Variants in NRG1 observed in about 807,000 individuals in gnomAD.
The protein encoded by NRG1 is neuregulin 1.
Under a neutral mutation model 63.8 loss-of-function variants are expected in NRG1, and 18 were observed. That is an observed-to-expected ratio of 0.28 (90% CI 0.19 to 0.42). The LOEUF (loss-of-function observed/expected upper bound fraction) is 0.42, where lower values mean the gene tolerates loss of function less well. Among genes scored for constraint, NRG1 ranks in the 10% least tolerant of loss-of-function variants. The pLI is 1.00. For synonymous variants in NRG1, 302 were observed against 301.3 expected (o/e 1.00, Z -0.02); for missense variants, 762 against 814.7 (o/e 0.94, Z 0.79).
intron 1 of NRG1, among the ~76,000 whole-genome samples, chr8:32,095,293 G>C (rs950917687): frequency 6.6e-6 from 1 of 152,204 alleles, no homozygotes; most frequent in African/African-American, 2.4e-5. Context: ...AGGTGGGATT[G>C]AGAGTGAAGA....
At chr8:31,853,636 T>A (rs1227530722) in intron 1 of NRG1, among the ~76,000 whole-genome samples, 1 of 151,478 alleles carries the variant, frequency 6.6e-6, no homozygotes, top group Non-Finnish European at 1.5e-5. Flanking sequence ...TGGCCAGAAC[T>A]TCCAACACTA....
At chr8:31,858,619 G>A (rs1483119240) in intron 1 of NRG1, among the ~76,000 whole-genome samples, 1 of 152,154 alleles carries the variant, frequency 6.6e-6, no homozygotes, top group Non-Finnish European at 1.5e-5. Flanking sequence ...CCAAAAAAAT[G>A]TTCATGGTCA....
chr8:32,501,419 G>T (rs1354276511), intron 1 of NRG1, among the ~76,000 whole-genome samples: 1 of 152,130 alleles, frequency 6.6e-6, no homozygotes, highest in Non-Finnish European at 1.5e-5. Context: ...ATGCAATTTA[G>T]CATATTAAAT....
intron 1 of NRG1, among the ~76,000 whole-genome samples, chr8:32,528,164 T>A (rs755307306): frequency 4.6e-5 from 7 of 152,246 alleles, no homozygotes; most frequent in Non-Finnish European, 1.0e-4. Flanking sequence ...TCACTCTGTG[T>A]AAAATAGCCA....
At chr8:32,031,676 T>C (rs941410037) in intron 1 of NRG1, among the ~76,000 whole-genome samples, 2 of 152,208 alleles carry the variant, frequency 1.3e-5, no homozygotes, top group African/African-American at 2.4e-5. Context: ...GTGTTCTTAT[T>C]GTTCAGCTCC....
In NRG1 at chr8:32,402,037, G is replaced by A. The variant is rs550020512; in HGVS notation, c.38-193791G>A. On this transcript the variant is annotated intron_variant, in intron 1 of 10. Transcript: ENST00000519301. ...GCAATTCTCCCTGCCTCAGTCACCCGAGTACCTGGGACAACAGGCGCCTAC... is the reference window on the plus strand; with the variant it reads ...GCAATTCTCCCTGCCTCAGTCACCCAAGTACCTGGGACAACAGGCGCCTAC... Among the ~76,000 whole-genome samples, 7 of 152,104 alleles carry A rather than the reference G, an allele frequency of 4.6e-5. No individual in the cohort carries two copies. In the South Asian group the frequency reaches 1.5e-3, roughly 32 times the overall value.
rs1585771707 is a variant in NRG1 at position 32,165,465 on chromosome 8, T to C, written c.38-430363T>C. Among the ~76,000 whole-genome samples, 3 of 152,184 alleles carry C rather than the reference T, an allele frequency of 2.0e-5. No homozygotes were observed. In the East Asian group the frequency reaches 5.8e-4, roughly 29 times the overall value. ...GTCCTGGCCCTTATTATTGAGTAGA[T>C]TGTAGTCTAATGAAAACATATGAGT... On this transcript the variant is annotated intron_variant, in intron 1 of 10. Coordinates refer to the NRG1 transcript ENST00000519301.
intron 1 of NRG1, among the ~76,000 whole-genome samples, chr8:32,524,101 A>T (rs539001282): frequency 3.3e-4 from 50 of 152,240 alleles, no homozygotes; most frequent in African/African-American, 1.1e-3. Context: ...AGCCCGGGCA[A>T]CATGGCGAAA....
chr8:32,252,556 A>G (rs993669111), intron 1 of NRG1, among the ~76,000 whole-genome samples: 2 of 151,958 alleles, frequency 1.3e-5, no homozygotes, highest in East Asian at 1.9e-4. Flanking sequence ...TGGTCTATAT[A>G]TCTGTTTTGG....
chr8:31,772,892 T>A (rs890265272), intron 1 of NRG1, among the ~76,000 whole-genome samples: 1 of 152,162 alleles, frequency 6.6e-6, no homozygotes, highest in Non-Finnish European at 1.5e-5. Context: ...TGCTGTTCAA[T>A]CATACATTTT....
chr8:32,480,813 A>T (rs1472061467), intron 1 of NRG1, among the ~76,000 whole-genome samples: 28 of 152,172 alleles, frequency 1.8e-4, no homozygotes, highest in Admixed American at 1.8e-3. Context: ...ACCAGATCTC[A>T]TATGAACTCA....
chr8:32,055,748 C>T (rs527717440), intron 1 of NRG1, among the ~76,000 whole-genome samples: 1 of 150,430 alleles, frequency 6.6e-6, no homozygotes, highest in South Asian at 2.1e-4. Flanking sequence ...TATCTTTTAA[C>T]TCAGAGGTAT....
At chr8:32,729,256 T>C (rs1465318770) in intron 6 of NRG1, among the ~76,000 whole-genome samples, 1 of 152,178 alleles carries the variant, frequency 6.6e-6, no homozygotes, top group African/African-American at 2.4e-5. Flanking sequence ...AGTCTACATA[T>C]GGTATATGGA....
chr8:32,217,042 G>A (rs751969860), intron 1 of NRG1, among the ~76,000 whole-genome samples: 19 of 151,532 alleles, frequency 1.3e-4, no homozygotes, highest in African/African-American at 2.2e-4. Flanking sequence ...GTGAAACCCC[G>A]TCTCTACTAA....
chr8:32,573,179 C>A (rs1005895127), intron 1 of NRG1, among the ~76,000 whole-genome samples: 5 of 152,146 alleles, frequency 3.3e-5, no homozygotes, highest in African/African-American at 1.2e-4. Flanking sequence ...TGGATTATTC[C>A]CATTCTGCTG....
In NRG1 at chr8:32,617,974, C is replaced by T. The variant is rs183922843; in HGVS notation, c.502+1089C>T. Among the ~76,000 whole-genome samples the T allele has an allele frequency of 8.3e-3, 1,267 of 152,108 alleles. 3 individuals are homozygous for T. Among genetic ancestry groups the T allele is most frequent in the Middle Eastern group, 0.027 (8 of 294 alleles). On this transcript the variant is annotated intron_variant, in intron 5 of 11. Transcript: ENST00000356819. ...TTGGCTATATTTTAACTACATAAAG[C>T]GTCATTTAACTGGATTGATGGCAAT... is the stretch of plus-strand genomic sequence containing the variant.
At chr8:31,830,290 G>A (rs1563454453) in intron 1 of NRG1, among the ~76,000 whole-genome samples, 1 of 150,862 alleles carries the variant, frequency 6.6e-6, no homozygotes, top group Admixed American at 6.6e-5. Context: ...TTTTGATGCA[G>A]TGCTCTTCTT....
chr8:31,922,021 A>G (rs934169945), intron 1 of NRG1, among the ~76,000 whole-genome samples: 3 of 152,188 alleles, frequency 2.0e-5, no homozygotes, highest in African/African-American at 7.2e-5. Flanking sequence ...AAGTGATTCA[A>G]GCAGCAATCT....
intron 1 of NRG1, among the ~76,000 whole-genome samples, chr8:32,237,939 A>G (rs548396097): frequency 6.6e-6 from 1 of 150,872 alleles, no homozygotes; most frequent in South Asian, 2.2e-4. Flanking sequence ...AAAGCCTGAG[A>G]TACATATCTA....
Sources: allele counts gnomAD v4.1 joint callset (sites outside exome capture counted in the v4.1 genomes callset), GRCh38; gene constraint gnomAD v4.1.1; transcripts MANE v1.5; gene names NCBI Gene and HGNC (gene_info 2026-07-23, HGNC 2026-07-21).